The following VWA8 variants were observed in gnomAD, a reference collection of about 807,000 sequenced individuals.
VWA8 encodes the protein von Willebrand factor A domain-containing protein 8.
A neutral mutation model predicts 241.5 loss-of-function variants in VWA8; 221 were observed. The observed-to-expected ratio is 0.91, with a 90% CI of 0.82 to 1.02. The LOEUF is 1.02. Ranked by LOEUF, VWA8 falls within the 50% of genes least tolerant of loss-of-function variation. The pLI is 0.00. For missense variants in VWA8, 2,322 were observed against 2,328.7 expected, an observed-to-expected ratio of 1.00 and a Z score of 0.06; for synonymous variants, 852 against 827.1, an observed-to-expected ratio of 1.03 and a Z score of -0.52.
chr13:41,806,094 A>T (rs75950789), intron 17 of VWA8, among the ~76,000 whole-genome samples: 9,341 of 152,072 alleles, frequency 0.061, 359 homozygotes, highest in East Asian at 0.12. Flanking sequence ...TTTGGAAACT[A>T]CACAAATACA....
chr13:41,928,076 C>T (rs1238597980), intron 2 of VWA8, among the ~76,000 whole-genome samples: 1 of 152,062 alleles, frequency 6.6e-6, no homozygotes, highest in Non-Finnish European at 1.5e-5. Flanking sequence ...TATATATTCA[C>T]CCAACACTGT....
chr13:41,945,001 T>C, intron 2 of VWA8, among the ~76,000 whole-genome samples: 1 of 152,144 alleles, frequency 6.6e-6, no homozygotes, highest in South Asian at 2.1e-4. Context: ...AGGCCATGCA[T>C]ATATTCAGGA....
chr13:41,740,907 T>C (rs1318203858), intron 21 of VWA8, among the ~76,000 whole-genome samples: 1 of 152,110 alleles, frequency 6.6e-6, no homozygotes, highest in Non-Finnish European at 1.5e-5. Flanking sequence ...TGGGTCAAAT[T>C]AGAAAAAAAC....
At chr13:41,925,322 A>G (rs1876779356) in intron 2 of VWA8, among the ~76,000 whole-genome samples, 1 of 152,244 alleles carries the variant, frequency 6.6e-6, no homozygotes, top group South Asian at 2.1e-4. Flanking sequence ...ATATTGAAGT[A>G]TAAAACTCAC....
intron 14 of VWA8, 121 bp downstream of exon 14, chr13:41,830,408 C>A: frequency 1.2e-6 from 1 of 805,646 alleles, no homozygotes; most frequent in Non-Finnish European, 1.9e-6. Flanking sequence ...ATATCCAGGA[C>A]ACCAAATTAT....
chr13:41,635,198 C>G (rs540107626), intron 37 of VWA8, among the ~76,000 whole-genome samples: 1 of 151,994 alleles, frequency 6.6e-6, no homozygotes, highest in Non-Finnish European at 1.5e-5. Context: ...GGGGTAAGTG[C>G]ATATCTGACA....
At chr13:41,949,509 A>C (rs1482470312) in intron 2 of VWA8, among the ~76,000 whole-genome samples, 1 of 152,166 alleles carries the variant, frequency 6.6e-6, no homozygotes. Context: ...TAGCATTAGG[A>C]GAAGTATCTA....
intron 38 of VWA8, among the ~76,000 whole-genome samples, chr13:41,612,154 T>G (rs1045285000): frequency 1.2e-4 from 18 of 152,224 alleles, no homozygotes; most frequent in Admixed American, 1.2e-3. Context: ...AATGAACAAC[T>G]GTTTCCCTCC....
At chr13:41,958,574 T>C (rs1399006056) in intron 1 of VWA8, among the ~76,000 whole-genome samples, 2 of 152,206 alleles carry the variant, frequency 1.3e-5, no homozygotes, top group Non-Finnish European at 2.9e-5. Flanking sequence ...TTTACACTTG[T>C]CCATGTATGA....
rs1162223191 is a variant in VWA8, at chr13:41,881,378, G to C, written c.1080+2009C>G. On this transcript the variant is annotated intron_variant, in intron 9 of 44. Transcript: ENST00000379310. Reference sequence around the variant, plus strand: ...CATCATAGTTTTTTTTTGCCGGGGGGGGGGGGGGGGGGGTAAGGTCACAGA... The same window carrying C: ...CATCATAGTTTTTTTTTGCCGGGGGCGGGGGGGGGGGGGTAAGGTCACAGA... Among the ~76,000 whole-genome samples, 52 of 34,980 alleles carry C rather than the reference G, an allele frequency of 1.5e-3. 3 individuals are homozygous for C. The highest frequency in any genetic ancestry group is 6.1e-3 in the African/African-American group (48 of 7,806). The allele number at this position is 34,980 out of a possible 152,430, so 22.9% of individuals were successfully genotyped here.
intron 21 of VWA8, among the ~76,000 whole-genome samples, chr13:41,745,636 T>C (rs562281621): frequency 3.0e-4 from 45 of 152,252 alleles, no homozygotes; most frequent in Non-Finnish European, 5.1e-4. Context: ...ATCAGAGAAA[T>C]GCAAAGCAAA....
In VWA8 at chr13:41,727,298, T is replaced by C. The variant is rs2045444663; in HGVS notation, c.2654A>G (p.Asn885Ser). Residue 885 changes from asparagine (N) to serine (S), a missense_variant, in exon 24 of 45, where the codon AAT (asparagine) becomes AGT (serine). By Grantham distance (46) the Asn-to-Ser change is conservative. Coordinates refer to ENST00000379310, the MANE Select transcript of VWA8 (RefSeq NM_015058.2). The stretch of plus-strand genomic sequence containing the variant: ...AATCACTACAACATTTTCTCTTCCA[T>C]TCACATTAGCAGAATCTGAAAAACA... ...RRIVANSANV[N>S]GRENVVVIHP... 1.3e-6 allele frequency: 2 copies of C among 1,547,712 alleles called. No individual in the cohort carries two copies. The highest frequency in any genetic ancestry group is 4.8e-5 in the East Asian group (2 of 42,026).
intron 26 of VWA8, among the ~76,000 whole-genome samples, chr13:41,705,402 GA>G (rs1457707795): frequency 1.3e-5 from 2 of 152,192 alleles, no homozygotes; most frequent in African/African-American, 4.8e-5. Flanking sequence ...GCCAGATCTT[GA>G]AAACATAGAC....
chr13:41,665,512 T>C (rs933331420), intron 37 of VWA8, among the ~76,000 whole-genome samples: 10 of 152,070 alleles, frequency 6.6e-5, no homozygotes, highest in African/African-American at 2.4e-4. Flanking sequence ...GCCATTGTGA[T>C]TGTAAGGTAT....
chr13:41,954,390 A>C (rs1360869062), intron 1 of VWA8, among the ~76,000 whole-genome samples: 3 of 152,142 alleles, frequency 2.0e-5, no homozygotes, highest in African/African-American at 4.8e-5. Context: ...AACCACCTCT[A>C]ACCAGCTCCA....
chr13:41,842,354 C>A (rs1872095346), intron 12 of VWA8, among the ~76,000 whole-genome samples: 1 of 152,208 alleles, frequency 6.6e-6, no homozygotes, highest in Non-Finnish European at 1.5e-5. Flanking sequence ...CCTTCTCCCT[C>A]AAGTTCCTCT....
In VWA8 at chr13:41,586,125, AT is replaced by A. The variant is rs527903132; in HGVS notation, c.5271+1386del. ...TCTCATACTAGAAAGGACCTAAAAT[AT>A]TTTAAAATAAACATTTTCTATAAAC... On this transcript the variant is annotated intron_variant, in intron 42 of 44. Coordinates refer to ENST00000379310, the MANE Select transcript of VWA8 (RefSeq NM_015058.2). Among the ~76,000 whole-genome samples, 7 of 151,948 alleles carry A rather than the reference AT, an allele frequency of 4.6e-5. No individual in the cohort carries two copies. In the South Asian group the frequency reaches 1.0e-3, roughly 23 times the overall value.
At position 41,932,468 on chromosome 13, in the gene VWA8, T is replaced by C. The variant is rs551958566; in HGVS notation, c.241+17468A>G. On this transcript the variant is annotated intron_variant, in intron 2 of 44. Transcript: ENST00000379310. Reference sequence around the variant, plus strand: ...CCAATTCATTCTATGAGGTCAGTATTACCCTCATATCGAAATCTGACAAAG... The same window carrying C: ...CCAATTCATTCTATGAGGTCAGTATCACCCTCATATCGAAATCTGACAAAG... Among the ~76,000 whole-genome samples the C allele has an allele frequency of 1.7e-3, 256 of 152,198 alleles. 2 individuals are homozygous for C. The highest frequency in any genetic ancestry group is 5.7e-3 in the African/African-American group (235 of 41,562).
At chr13:41,951,369 A>G (rs534407017) in intron 1 of VWA8, among the ~76,000 whole-genome samples, 18 of 152,310 alleles carry the variant, frequency 1.2e-4, no homozygotes, top group African/African-American at 4.3e-4. Context: ...GCAAGCCAAG[A>G]TTACGCCACT....
Sources: gnomAD v4.1 joint callset for allele counts (sites outside exome capture counted in the v4.1 genomes callset) on GRCh38, gnomAD v4.1.1 for gene constraint, MANE v1.5 for transcripts, NCBI Gene and HGNC (gene_info 2026-07-23, HGNC 2026-07-21) for gene names.